The following SLC13A3 variants were observed in gnomAD, a reference collection of about 807,000 sequenced individuals.
SLC13A3 encodes the protein Na(+)/dicarboxylate cotransporter 3.
A neutral mutation model predicts 59.0 loss-of-function variants in SLC13A3; 40 were observed. The observed-to-expected ratio is 0.68, with a 90% CI of 0.53 to 0.88. SLC13A3 has a LOEUF of 0.88. Ranked by LOEUF, SLC13A3 falls within the 40% of genes least tolerant of loss-of-function variation. SLC13A3 has a pLI of 0.00. For synonymous variants in SLC13A3, 317 were observed against 330.3 expected, an observed-to-expected ratio of 0.96 and a Z score of 0.44; for missense variants, 699 against 783.2, an observed-to-expected ratio of 0.89 and a Z score of 1.28.
upstream of SLC13A3, among the ~76,000 whole-genome samples, chr20:46,674,903 C>T (rs1220506407): frequency 6.6e-6 from 1 of 152,026 alleles, no homozygotes; most frequent in Non-Finnish European, 1.5e-5. Context: ...GGCCATGATG[C>T]GCTTGACAGG....
In SLC13A3 at chr20:46,677,026, G is replaced by A. The variant is rs139651067; in HGVS notation, c.-31+7370C>T. ...TCTCCTGGGTTCAAGCGATTCTCCT[G>A]TCTCAGCCTCCCAAGTAGCTGGGAT... On this transcript the variant is annotated intron_variant, in intron 1 of 6. Transcript: ENST00000372121. Among the ~76,000 whole-genome samples the A allele has an allele frequency of 7.5e-3, 1,141 of 152,248 alleles. 16 individuals are homozygous for A. Among genetic ancestry groups the A allele is most frequent in the African/African-American group, 0.026 (1,067 of 41,526 alleles).
At chr20:46,590,032 C>T (rs1233546529) in intron 6 of SLC13A3, among the ~76,000 whole-genome samples, 3 of 152,038 alleles carry the variant, frequency 2.0e-5, no homozygotes, top group African/African-American at 7.2e-5. Context: ...TTCAATATTA[C>T]GTCAAAAACA....
At chr20:46,655,743 CTA>C (rs951013669), upstream of SLC13A3, among the ~76,000 whole-genome samples, 7 of 143,664 alleles carry the variant, frequency 4.9e-5, no homozygotes, top group African/African-American at 1.5e-4. Flanking sequence ...TATATATATA[CTA>C]TATATATATT....
intron 10 of SLC13A3, among the ~76,000 whole-genome samples, chr20:46,571,203 T>C (rs2062026126): frequency 1.3e-5 from 2 of 152,140 alleles, no homozygotes; most frequent in Admixed American, 6.5e-5. Context: ...TCCCATGACA[T>C]GTGGGGATAA....
At chr20:46,684,450 A>T (rs2063170660) in exon 1 of SLC13A3, 1 of 152,228 alleles carries the variant, frequency 6.6e-6, no homozygotes, top group South Asian at 2.1e-4. Flanking sequence ...CAGATGGGGA[A>T]ACAAACACAC....
At chr20:46,676,253 T>C (rs1429714006) in intron 1 of SLC13A3, among the ~76,000 whole-genome samples, 3 of 151,980 alleles carry the variant, frequency 2.0e-5, no homozygotes, top group Non-Finnish European at 4.4e-5. Context: ...AAAGTACCCA[T>C]ATAAACATGC....
Position 46,592,471 on chromosome 20 carries a change from G to A in SLC13A3, c.853C>T (p.Leu285Phe). ...CCTGCCAACAGGAACAACAGCATAAGAGGGAAGGCGAAAATGAACCAGGAG... is the reference window on the plus strand; with the variant it reads ...CCTGCCAACAGGAACAACAGCATAAAAGGGAAGGCGAAAATGAACCAGGAG... ...FGSWFIFAFPLMLLFLLAGWL... is the reference protein window; with the variant it reads ...FGSWFIFAFPFMLLFLLAGWL... The change falls in exon 6 of 13, where the codon CTT becomes TTT. Residue 285 changes from leucine (L) to phenylalanine (F), a missense_variant. By Grantham distance (22) the Leu-to-Phe change is conservative. Coordinates refer to ENST00000279027, the MANE Select transcript of SLC13A3 (RefSeq NM_022829.6). 1 of 1,613,988 alleles carries A rather than the reference G, an allele frequency of 6.2e-7. No homozygotes were observed. Among genetic ancestry groups the A allele is most frequent in the Non-Finnish European group, 8.5e-7 (1 of 1,179,926 alleles).
chr20:46,643,899 G>A lies in SLC13A3; in HGVS notation c.111+7412C>T, dbSNP rs887554065. ...CAAAAAATACAAAAATTAGCCAGGC[G>A]TGGTGACGTGTGCTTGTAGTCCCAG... On this transcript the variant is annotated intron_variant, in intron 1 of 12. Transcript: ENST00000279027. 4.5e-4 allele frequency among the ~76,000 whole-genome samples: 69 copies of A among 152,144 alleles called. 1 individual carries two copies. Among genetic ancestry groups the A allele is most frequent in the Admixed American group, 3.9e-3 (59 of 15,278 alleles).
chr20:46,679,281 G>C (rs146134573), intron 1 of SLC13A3, among the ~76,000 whole-genome samples: 51 of 152,290 alleles, frequency 3.3e-4, no homozygotes, highest in Non-Finnish European at 3.8e-4. Flanking sequence ...GGTAGGCCGG[G>C]TGCCATGGCT....
chr20:46,613,300 G>GAAAGAAAT (rs1555879750), intron 2 of SLC13A3, among the ~76,000 whole-genome samples, 160 bp downstream of exon 2: 8 of 146,076 alleles, frequency 5.5e-5, no homozygotes, highest in East Asian at 4.1e-4. Flanking sequence ...AAATAGTAGA[G>GAAAGAAAT]AAATAAATAA....
intron 1 of SLC13A3, among the ~76,000 whole-genome samples, chr20:46,617,615 T>TGTGC (rs2062572801): frequency 1.4e-5 from 1 of 71,590 alleles, no homozygotes; most frequent in African/African-American, 7.3e-5. Flanking sequence ...TGTGCGTGTG[T>TGTGC]GTGTGTGTGT....
chr20:46,589,012 C>T (rs1232183613), intron 7 of SLC13A3, 148 bp downstream of exon 7: 1 of 684,762 alleles, frequency 1.5e-6, no homozygotes, highest in Non-Finnish European at 2.5e-6. Context: ...TGTAAACCAC[C>T]TCCCATCCTC....
chr20:46,609,190 T>C, intron 3 of SLC13A3: 1 of 1,367,380 alleles, frequency 7.3e-7, no homozygotes, highest in Non-Finnish European at 9.7e-7. Context: ...TGACATGATG[T>C]GGCAGCCACT....
intron 1 of SLC13A3, among the ~76,000 whole-genome samples, chr20:46,680,388 G>A (rs894122474): frequency 2.6e-5 from 4 of 152,220 alleles, no homozygotes; most frequent in South Asian, 4.1e-4. Flanking sequence ...CATGCACTGT[G>A]GTAGTGCTCC....
Position 46,559,234 on chromosome 20 carries a change from G to A in SLC13A3, c.*788C>T, listed in dbSNP as rs899720632. 1.3e-5 allele frequency: 2 copies of A among 152,220 alleles called. No individual in the cohort carries two copies. The highest frequency in any genetic ancestry group is 6.5e-5 in the Admixed American group (1 of 15,280). The allele number at this position is 152,220 out of a possible 1,614,324, so 9.4% of individuals were successfully genotyped here. A position where few individuals can be genotyped will look rare whatever the true frequency, so the allele number is the denominator to read the frequency against. On this transcript the variant is annotated 3_prime_UTR_variant, in exon 13 of 13. Transcript: ENST00000279027. ...AGAGTCCTGGCTGGAGGGGTCATGA[G>A]TCACCCCATGGGAGGGCAGGACCCA...
rs1256833372 is a variant in SLC13A3 at position 46,559,948 on chromosome 20, G to A, written c.*74C>T. ...CAGAAAAGAATTATTTGATTGTTTT[G>A]TAGTGTCCTAGCAGCAGGTGATGGT... On this transcript the variant is annotated 3_prime_UTR_variant, in exon 13 of 13. Coordinates refer to ENST00000279027, the MANE Select transcript of SLC13A3 (RefSeq NM_022829.6). 3 of 1,416,904 alleles carry A rather than the reference G, an allele frequency of 2.1e-6. No individual in the cohort carries two copies. Among genetic ancestry groups the A allele is most frequent in the African/African-American group, 1.4e-5 (1 of 70,954 alleles). 87.8% of individuals were successfully genotyped at this position (1,416,904 alleles called of 1,614,324 possible). A position where few individuals can be genotyped will look rare whatever the true frequency, so the allele number is the denominator to read the frequency against.
At chr20:46,678,518 A>C (rs1254379957) in intron 1 of SLC13A3, among the ~76,000 whole-genome samples, 1 of 152,116 alleles carries the variant, frequency 6.6e-6, no homozygotes, top group Non-Finnish European at 1.5e-5. Context: ...TCTTCCTCTC[A>C]TTGACTCTTT....
intron 1 of SLC13A3, among the ~76,000 whole-genome samples, chr20:46,657,906 C>A (rs1377688508): frequency 6.6e-6 from 1 of 152,122 alleles, no homozygotes; most frequent in Non-Finnish European, 1.5e-5. Context: ...ACGGATCCAA[C>A]CCCATGACCC....
intron 6 of SLC13A3, among the ~76,000 whole-genome samples, chr20:46,590,326 A>T (rs2062240897): frequency 6.6e-6 from 1 of 152,242 alleles, no homozygotes; most frequent in East Asian, 1.9e-4. Flanking sequence ...ATGAGAAAAG[A>T]TTGAAAAAAA....
Sources: gnomAD v4.1 joint callset for allele counts (sites outside exome capture counted in the v4.1 genomes callset) on GRCh38, gnomAD v4.1.1 for gene constraint, MANE v1.5 for transcripts, NCBI Gene and HGNC (gene_info 2026-07-23, HGNC 2026-07-21) for gene names.